PRKCH: variants seen among roughly 807,000 people sequenced by gnomAD.
PRKCH encodes protein kinase C eta.
Under a neutral mutation model 82.5 loss-of-function variants are expected in PRKCH, and 28 were observed. The observed-to-expected ratio is 0.34, with a 90% CI of 0.25 to 0.47. The LOEUF is 0.47. Ranked by LOEUF, PRKCH falls within the 20% of genes least tolerant of loss-of-function variation. The pLI is 1.00. For synonymous variants in PRKCH, 322 were observed against 327.4 expected (o/e 0.98, Z 0.18); for missense variants, 705 against 881.8 (o/e 0.80, Z 2.54).
At chr14:61,385,962 G>A (rs1381975924) in intron 1 of PRKCH, among the ~76,000 whole-genome samples, 1 of 152,206 alleles carries the variant, frequency 6.6e-6, no homozygotes, top group African/African-American at 2.4e-5. Flanking sequence ...ACAAATAGGA[G>A]TTGGACAAGT....
At chr14:61,487,001 T>C (rs1022113250) in intron 10 of PRKCH, among the ~76,000 whole-genome samples, 1 of 152,214 alleles carries the variant, frequency 6.6e-6, no homozygotes, top group African/African-American at 2.4e-5. Flanking sequence ...TTATAAGAGC[T>C]TTAAAAACAG....
intron 1 of PRKCH, among the ~76,000 whole-genome samples, chr14:61,295,915 G>A (rs899700722): frequency 6.6e-6 from 1 of 151,742 alleles, no homozygotes; most frequent in Non-Finnish European, 1.5e-5. Context: ...CCATTATGGT[G>A]GAAATCCCCC....
At chr14:61,504,959 A>T (rs898134970) in intron 10 of PRKCH, among the ~76,000 whole-genome samples, 1 of 152,182 alleles carries the variant, frequency 6.6e-6, no homozygotes, top group Non-Finnish European at 1.5e-5. Context: ...AGTGACCACA[A>T]TAGGCCTGCT....
At chr14:61,547,597 C>A in intron 12 of PRKCH, 146 bp from the exon 13 acceptor site, 3 of 954,130 alleles carry the variant, frequency 3.1e-6, no homozygotes, top group Non-Finnish European at 4.6e-6. Flanking sequence ...ACTGACTGTG[C>A]TGCCTGTGAT....
chr14:61,468,313 C>T (rs1885350689), intron 9 of PRKCH, among the ~76,000 whole-genome samples: 1 of 152,172 alleles, frequency 6.6e-6, no homozygotes, highest in African/African-American at 2.4e-5. Context: ...TCTGCATGTT[C>T]CTACCTTATT....
intron 2 of PRKCH, among the ~76,000 whole-genome samples, chr14:61,393,855 T>G (rs1437911452): frequency 1.3e-5 from 2 of 152,244 alleles, no homozygotes; most frequent in Admixed American, 1.3e-4. Context: ...GCCCTACAAA[T>G]GTGGGTCTCA....
chr14:61,310,464 G>T (rs1391383740), intron 1 of PRKCH, among the ~76,000 whole-genome samples: 1 of 152,150 alleles, frequency 6.6e-6, no homozygotes, highest in Admixed American at 6.6e-5. Context: ...CTCCAAAATG[G>T]TCTCCTTTGA....
At chr14:61,292,047 A>G (rs993020003) in intron 1 of PRKCH, among the ~76,000 whole-genome samples, 3 of 152,082 alleles carry the variant, frequency 2.0e-5, no homozygotes, top group African/African-American at 7.2e-5. Flanking sequence ...AGAGTCCCGG[A>G]ACTCACATTT....
At chr14:61,205,129 C>T (rs950006245) in intron 1 of PRKCH, among the ~76,000 whole-genome samples, 3 of 152,186 alleles carry the variant, frequency 2.0e-5, no homozygotes, top group African/African-American at 7.2e-5. Flanking sequence ...ATTGGAGCAA[C>T]AGTGAAGTCT....
At chr14:61,386,530 G>A (rs893747261) in intron 1 of PRKCH, among the ~76,000 whole-genome samples, 1 of 152,184 alleles carries the variant, frequency 6.6e-6, no homozygotes, top group Non-Finnish European at 1.5e-5. Context: ...CTGCTGAGGA[G>A]CTGGGCTTCT....
chr14:61,530,667 T>C (rs933594775), intron 12 of PRKCH, 72 bp downstream of exon 12: 3 of 1,420,120 alleles, frequency 2.1e-6, no homozygotes, highest in African/African-American at 2.8e-5. Flanking sequence ...CTTGAGTCTT[T>C]TCAGTACTTC....
chr14:61,457,289 C>T lies in PRKCH; in HGVS notation c.1074C>T (p.Ile358=), dbSNP rs1173005372. The change falls in exon 8 of 14, where the codon ATC becomes ATT. Residue 358 remains isoleucine, a synonymous_variant. Coordinates refer to ENST00000332981, the MANE Select transcript of PRKCH (RefSeq NM_006255.5). ...NRLGIDNFEF[I]RVLGKGSFGK... ...TTGGTATCGACAACTTTGAGTTCATCCGAGTGTTGGGGAAGGGGAGTTTTG... is the reference window on the plus strand; with the variant it reads ...TTGGTATCGACAACTTTGAGTTCATTCGAGTGTTGGGGAAGGGGAGTTTTG... The T allele has an allele frequency of 1.9e-6, 3 of 1,614,010 alleles. No homozygotes were observed. In the African/African-American group the frequency reaches 4.0e-5, roughly 22 times the overall value.
intron 1 of PRKCH, among the ~76,000 whole-genome samples, chr14:61,345,874 CT>C (rs10596430): frequency 0.13 from 9,776 of 74,892 alleles, 1,031 homozygotes; most frequent in African/African-American, 0.33. Context: ...CCCTGTCTCT[CT>C]TTTTTTTTTT....
intron 1 of PRKCH, among the ~76,000 whole-genome samples, chr14:61,309,189 G>C (rs1484510762): frequency 1.3e-5 from 2 of 152,124 alleles, no homozygotes; most frequent in Non-Finnish European, 2.9e-5. Context: ...AAGTGAGGTG[G>C]GAGGATCACT....
Position 61,528,797 on chromosome 14 carries a change from G to A in PRKCH, c.1434-278G>A, listed in dbSNP as rs189968230. Reference sequence around the variant, plus strand: ...CTAGAAAAGCCACATTCTGCCCTCCGTTTTTACAGGACAGCCTACATTTTC... The same window carrying A: ...CTAGAAAAGCCACATTCTGCCCTCCATTTTTACAGGACAGCCTACATTTTC... On this transcript the variant is annotated intron_variant, in intron 10 of 13. Transcript: ENST00000332981. 75 of 233,834 alleles carry A rather than the reference G, an allele frequency of 3.2e-4. 1 individual carries two copies. In the South Asian group the frequency reaches 3.7e-3, roughly 12 times the overall value. 14.5% of individuals were successfully genotyped at this position (233,834 alleles called of 1,614,324 possible).
intron 1 of PRKCH, among the ~76,000 whole-genome samples, chr14:61,196,548 A>G (rs1344264528): frequency 6.6e-6 from 1 of 152,248 alleles, no homozygotes; most frequent in Non-Finnish European, 1.5e-5. Flanking sequence ...GTAGCAGATT[A>G]CATTAAAACT....
chr14:61,336,823 C>A (rs1024627249), intron 1 of PRKCH, among the ~76,000 whole-genome samples: 1 of 152,054 alleles, frequency 6.6e-6, no homozygotes, highest in African/African-American at 2.4e-5. Context: ...AATTCCAGCA[C>A]TATGGGGGGC....
chr14:61,326,024 T>C (rs185615370), intron 1 of PRKCH, among the ~76,000 whole-genome samples: 1 of 152,322 alleles, frequency 6.6e-6, no homozygotes, highest in East Asian at 1.9e-4. Flanking sequence ...TGTAAAATGG[T>C]AAATCATGTT....
At chr14:61,274,200 G>T (rs1025622155) in intron 1 of PRKCH, among the ~76,000 whole-genome samples, 5 of 152,226 alleles carry the variant, frequency 3.3e-5, no homozygotes, top group Non-Finnish European at 4.4e-5. Flanking sequence ...AATTCTGGTG[G>T]TCAGGTGGAG....
Sources: allele counts gnomAD v4.1 joint callset (sites outside exome capture counted in the v4.1 genomes callset), GRCh38; gene constraint gnomAD v4.1.1; transcripts MANE v1.5; gene names NCBI Gene and HGNC (gene_info 2026-07-23, HGNC 2026-07-21).